Variants in EDIL3 observed in about 807,000 individuals in gnomAD.
The protein encoded by EDIL3 is EGF like and discoidin domains 3, also known as EGF-like repeat and discoidin I-like domain-containing protein 3.
Under a neutral mutation model 67.4 loss-of-function variants are expected in EDIL3, and 37 were observed. The observed-to-expected ratio is 0.55, with a 90% CI of 0.42 to 0.72. The LOEUF (loss-of-function observed/expected upper bound fraction) is 0.72. Ranked by LOEUF, EDIL3 falls within the 30% of genes least tolerant of loss-of-function variation. The pLI is 0.00. For missense variants in EDIL3, 527 were observed against 586.3 expected, an observed-to-expected ratio of 0.90 and a Z score of 1.04; for synonymous variants, 195 against 196.3, an observed-to-expected ratio of 0.99 and a Z score of 0.05.
intron 4 of EDIL3, among the ~76,000 whole-genome samples, chr5:84,157,275 C>T (rs1052821487): frequency 2.0e-5 from 3 of 151,862 alleles, no homozygotes; most frequent in African/African-American, 7.3e-5. Context: ...CCCCAAGACA[C>T]GTTTACCTAT....
chr5:84,215,358 A>G (rs1032648742), intron 3 of EDIL3, among the ~76,000 whole-genome samples: 2 of 151,724 alleles, frequency 1.3e-5, no homozygotes, highest in African/African-American at 2.4e-5. Context: ...GGTTCAGGCC[A>G]TTCTCCTGCC....
chr5:84,007,927 A>C (rs1745447450), intron 9 of EDIL3, among the ~76,000 whole-genome samples: 1 of 152,224 alleles, frequency 6.6e-6, no homozygotes, highest in African/African-American at 2.4e-5. Context: ...GTATATATCC[A>C]CAATGGAGTA....
At chr5:84,092,222 C>T (rs896427999) in intron 6 of EDIL3, among the ~76,000 whole-genome samples, 3 of 152,058 alleles carry the variant, frequency 2.0e-5, no homozygotes, top group African/African-American at 7.2e-5. Flanking sequence ...CAAGTTGTTA[C>T]CTTCAATCAA....
At chr5:84,341,099 T>C (rs1051531932) in intron 1 of EDIL3, among the ~76,000 whole-genome samples, 31 of 152,086 alleles carry the variant, frequency 2.0e-4, no homozygotes, top group African/African-American at 7.0e-4. Flanking sequence ...TTCCAGCTTG[T>C]ATTTATTGCC....
At chr5:84,096,265 G>T (rs995670053) in intron 6 of EDIL3, among the ~76,000 whole-genome samples, 1 of 152,172 alleles carries the variant, frequency 6.6e-6, no homozygotes, top group Non-Finnish European at 1.5e-5. Flanking sequence ...CTTGCACCGT[G>T]TGTCTGGAAA....
intron 9 of EDIL3, among the ~76,000 whole-genome samples, chr5:84,055,576 A>G (rs1248795063): frequency 6.6e-6 from 1 of 152,082 alleles, no homozygotes; most frequent in Non-Finnish European, 1.5e-5. Context: ...AAGGGCTAAT[A>G]TCCAGAATCT....
At chr5:83,948,306 C>A (rs1744349083) in intron 10 of EDIL3, among the ~76,000 whole-genome samples, 1 of 151,618 alleles carries the variant, frequency 6.6e-6, no homozygotes, top group Non-Finnish European at 1.5e-5. Flanking sequence ...AGTTCAGGAT[C>A]ATAAAATTTA....
At chr5:84,119,823 A>T (rs974424241) in intron 5 of EDIL3, among the ~76,000 whole-genome samples, 2 of 152,014 alleles carry the variant, frequency 1.3e-5, no homozygotes, top group African/African-American at 4.8e-5. Context: ...CACAAATGAG[A>T]GTAAAGTAAC....
chr5:84,060,383 C>T lies in EDIL3; in HGVS notation c.1054G>A (p.Glu352Lys). Reference protein sequence around the residue: ...RTLNMDMFTWEPRKARLDKQG... With the variant: ...RTLNMDMFTWKPRKARLDKQG... ...TTGTCCAGCCGAGCTTTCCTTGGTT[C>T]CCAAGTGAACATGTCCATGTTGAGC... Residue 352 changes from glutamate to lysine, a missense_variant, in exon 9 of 11, where the codon GAA (glutamate) becomes AAA (lysine). By Grantham distance (56) the Glu-to-Lys change is moderately conservative. This residue lies in a region of EDIL3 where 494 missense variants were observed against 522.5 expected (regional missense o/e 0.95). Transcript: ENST00000296591. 1 of 1,613,808 alleles carries T rather than the reference C, an allele frequency of 6.2e-7. No individual in the cohort carries two copies. Among genetic ancestry groups the T allele is most frequent in the Non-Finnish European group, 8.5e-7 (1 of 1,179,836 alleles).
At chr5:84,328,008 C>A (rs1347724551) in intron 1 of EDIL3, among the ~76,000 whole-genome samples, 2 of 151,906 alleles carry the variant, frequency 1.3e-5, no homozygotes, top group Admixed American at 1.3e-4. Flanking sequence ...AAGTGCTTCT[C>A]AAAGAGAAGT....
chr5:84,087,690 T>A (rs1482237822), intron 6 of EDIL3, among the ~76,000 whole-genome samples: 3 of 152,186 alleles, frequency 2.0e-5, no homozygotes, highest in Admixed American at 2.0e-4. Context: ...GCAGCTTACC[T>A]AATAAACAAT....
chr5:84,192,563 T>C (rs1743614960), intron 3 of EDIL3, among the ~76,000 whole-genome samples: 1 of 152,016 alleles, frequency 6.6e-6, no homozygotes, highest in African/African-American at 2.4e-5. Context: ...CTATTGTTTA[T>C]TTTTATTCCC....
At chr5:84,300,666 C>G (rs947989052) in intron 1 of EDIL3, among the ~76,000 whole-genome samples, 1 of 152,034 alleles carries the variant, frequency 6.6e-6, no homozygotes, top group Non-Finnish European at 1.5e-5. Flanking sequence ...AGAAATTCAT[C>G]CTTAAGAAAT....
At chr5:84,222,499 A>G (rs1308830299) in intron 3 of EDIL3, among the ~76,000 whole-genome samples, 3 of 151,878 alleles carry the variant, frequency 2.0e-5, no homozygotes, top group South Asian at 4.1e-4. Flanking sequence ...TTTATAAGCT[A>G]TATGTCCAGT....
intron 2 of EDIL3, among the ~76,000 whole-genome samples, chr5:84,246,054 T>G (rs1744904435): frequency 6.6e-6 from 1 of 152,094 alleles, no homozygotes; most frequent in Non-Finnish European, 1.5e-5. Flanking sequence ...GTGTATAACG[T>G]AAAAAGAAAT....
At chr5:84,099,086 C>G (rs1440600375) in intron 6 of EDIL3, among the ~76,000 whole-genome samples, 1 of 152,078 alleles carries the variant, frequency 6.6e-6, no homozygotes, top group African/African-American at 2.4e-5. Context: ...AACCACTCCT[C>G]AAGGAAATAA....
At chr5:84,343,049 G>A (rs1422373441) in intron 1 of EDIL3, among the ~76,000 whole-genome samples, 1 of 151,904 alleles carries the variant, frequency 6.6e-6, no homozygotes, top group Non-Finnish European at 1.5e-5. Flanking sequence ...AGCAAGACTA[G>A]GATACATAAT....
At chr5:84,022,456 A>C (rs1263903830) in intron 9 of EDIL3, among the ~76,000 whole-genome samples, 1 of 151,996 alleles carries the variant, frequency 6.6e-6, no homozygotes. Flanking sequence ...CCACAGCTAC[A>C]CAAATTTAAT....
chr5:84,087,201 G>T (rs1333498827), intron 6 of EDIL3, among the ~76,000 whole-genome samples: 1 of 152,178 alleles, frequency 6.6e-6, no homozygotes, highest in Non-Finnish European at 1.5e-5. Context: ...TTGAGAACAT[G>T]CATTTATTAA....
Sources: gnomAD v4.1 joint callset for allele counts (sites outside exome capture counted in the v4.1 genomes callset) on GRCh38, gnomAD v4.1.1 for gene constraint, gnomAD v4.1.1 regional missense constraint, MANE v1.5 for transcripts, NCBI Gene and HGNC (gene_info 2026-07-23, HGNC 2026-07-21) for gene names.